The following PRCD variants were observed in gnomAD, a reference collection of about 807,000 sequenced individuals.
PRCD encodes photoreceptor disk component PRCD.
A neutral mutation model predicts 10.1 loss-of-function variants in PRCD; 12 were observed. That is an observed-to-expected ratio of 1.18 (90% CI 0.76 to 1.92). The LOEUF is 1.92. Among genes scored for constraint, PRCD ranks in the 40% most tolerant of loss-of-function variants. The pLI, the probability that PRCD is intolerant of heterozygous loss-of-function variation, is 0.00. For missense variants in PRCD, 61 were observed against 72.2 expected (o/e 0.84, Z 0.56); for synonymous variants, 31 against 26.2 (o/e 1.18, Z -0.56).
chr17:76,538,054 C>T (rs1481043870), upstream of PRCD: 1 of 152,556 alleles, frequency 6.6e-6, no homozygotes, highest in Non-Finnish European at 1.5e-5. Flanking sequence ...GCCGGGAGCG[C>T]TGGGTTCCGG....
rs554074667 is a variant in PRCD, at chr17:76,540,718, C to T, written c.143+145C>T. On this transcript the variant is annotated intron_variant, in intron 2 of 4. Coordinates refer to ENST00000592014, the MANE Select transcript of PRCD (RefSeq NM_001077620.3). This position sits in a 1 kb window ranked among gnomAD's most constrained non-coding sequence, Gnocchi z 5.0. ...TGCCCTAAGCACCCTGCTCCCTGTCCGCCTGCTGGGCAGGCTGGATGTCTG... is the reference window on the plus strand; with the variant it reads ...TGCCCTAAGCACCCTGCTCCCTGTCTGCCTGCTGGGCAGGCTGGATGTCTG... The T allele has an allele frequency of 8.7e-6, 7 of 800,168 alleles. No homozygotes were observed. Among genetic ancestry groups the T allele is most frequent in the Admixed American group, 4.2e-5 (2 of 48,102 alleles). The allele number at this position is 800,168 out of a possible 1,614,324, so 49.6% of individuals were successfully genotyped here. A position where few individuals can be genotyped will look rare whatever the true frequency, so the allele number is the denominator to read the frequency against.
At chr17:76,552,878 A>ATATATATATATATATATAT (rs2075121502) in intron 1 of PRCD, 185 of 123,918 alleles carry the variant, frequency 1.5e-3, no homozygotes, top group Non-Finnish European at 2.2e-3. Context: ...AAAAAAAAAA[A>ATATATATATATATATATAT]AAAATATATA....
chr17:76,533,253 C>T lies in PRCD; in HGVS notation n.45+5420C>T, dbSNP rs554006561. ...CACAAGCTCCCTGTTTGCAGAAGGGCAAGAGGAGGGCCCCCGCTCACTGCT... is the reference window on the plus strand; with the variant it reads ...CACAAGCTCCCTGTTTGCAGAAGGGTAAGAGGAGGGCCCCCGCTCACTGCT... On this transcript the variant is annotated intron_variant and non_coding_transcript_variant, in intron 1 of 4. Transcript: ENST00000397633. The surrounding 1 kb of genome is among the most constrained non-coding windows in gnomAD (Gnocchi z 4.5). 2.0e-5 allele frequency among the ~76,000 whole-genome samples: 3 copies of T among 152,254 alleles called. No individual in the cohort carries two copies. The East Asian group carries it at 5.8e-4, about 29-fold the overall frequency.
Position 76,531,211 on chromosome 17 carries a change from C to T in PRCD, n.45+3378C>T. 1 of 1,506,860 alleles carries T rather than the reference C, an allele frequency of 6.6e-7. No individual in the cohort carries two copies. The highest frequency in any genetic ancestry group is 9.1e-7 in the Non-Finnish European group (1 of 1,102,712). The allele number at this position is 1,506,860 out of a possible 1,614,324, so 93.3% of individuals were successfully genotyped here. A position where few individuals can be genotyped will look rare whatever the true frequency, so the allele number is the denominator to read the frequency against. ...TGCGTCCTGCAACCCCCAGGCCCCT[C>T]CGCCCCACGTGTGGCCGAGAGGATC... On this transcript the variant is annotated intron_variant and non_coding_transcript_variant, in intron 1 of 4. Transcript: ENST00000397633. The surrounding 1 kb of genome is among the most constrained non-coding windows in gnomAD (Gnocchi z 7.4).
In PRCD at chr17:76,544,195, C is replaced by G. The variant is rs759624725; in HGVS notation, c.*545C>G. 5 of 454,554 alleles carry G rather than the reference C, an allele frequency of 1.1e-5. No individual in the cohort carries two copies. Among genetic ancestry groups the G allele is most frequent in the South Asian group, 7.8e-5 (5 of 64,482 alleles). 28.2% of individuals were successfully genotyped at this position (454,554 alleles called of 1,614,324 possible). A position where few individuals can be genotyped will look rare whatever the true frequency, so the allele number is the denominator to read the frequency against. On this transcript the variant is annotated 3_prime_UTR_variant, in exon 5 of 5. Transcript: ENST00000592014. ...TCACAGCTATTAGTCTTCAAAAACC[C>G]CCCGTGCCTCTGTGCACACGCGTCT...
Position 76,540,710 on chromosome 17 carries a change from T to TTCAG in PRCD, c.143+137_143+138insTCAG, listed in dbSNP as rs2074982370. On this transcript the variant is annotated intron_variant, in intron 2 of 4. Coordinates refer to ENST00000592014, the MANE Select transcript of PRCD (RefSeq NM_001077620.3). This position sits in a 1 kb window ranked among gnomAD's most constrained non-coding sequence, Gnocchi z 5.0. ...CTGGCCCTTGCCCTAAGCACCCTGC[T>TTCAG]CCCTGTCCGCCTGCTGGGCAGGCTG... The TTCAG allele has an allele frequency of 1.2e-6, 1 of 840,668 alleles. No individual in the cohort carries two copies. The highest frequency in any genetic ancestry group is 2.7e-5 in the East Asian group (1 of 37,420). The allele number at this position is 840,668 out of a possible 1,614,324, so 52.1% of individuals were successfully genotyped here.
rs533644200 is a variant in PRCD at position 76,528,091 on chromosome 17, G to T, written n.45+258G>T. On this transcript the variant is annotated intron_variant and non_coding_transcript_variant, in intron 1 of 4. Coordinates refer to the PRCD transcript ENST00000397633. This position sits in a 1 kb window ranked among gnomAD's most constrained non-coding sequence, Gnocchi z 5.8. The stretch of plus-strand genomic sequence containing the variant: ...GGCCAAACCGAGGCTTCTGGGCGCC[G>T]CGGATACACATTCTAGATATGTATG... The T allele has an allele frequency of 1.3e-5, 5 of 377,154 alleles. No individual in the cohort carries two copies. The highest frequency in any genetic ancestry group is 2.0e-5 in the Non-Finnish European group (4 of 204,514). The allele number at this position is 377,154 out of a possible 1,614,324, so 23.4% of individuals were successfully genotyped here. A position where few individuals can be genotyped will look rare whatever the true frequency, so the allele number is the denominator to read the frequency against.
At chr17:76,529,683 CCT>C (rs1436501800) in intron 1 of PRCD, 4 of 985,368 alleles carry the variant, frequency 4.1e-6, no homozygotes, top group East Asian at 2.3e-4. Flanking sequence ...CTCCTCTTCC[CCT>C]GTCTTTTCCC....
At chr17:76,547,985 TAC>T (rs1459155130), downstream of PRCD, among the ~76,000 whole-genome samples, 2 of 148,234 alleles carry the variant, frequency 1.3e-5, no homozygotes, top group Non-Finnish European at 3.0e-5. Context: ...TACACATACA[TAC>T]ACATTCACAC....
At chr17:76,532,184 G>T in intron 1 of PRCD, 1 of 159,054 alleles carries the variant, frequency 6.3e-6, no homozygotes, top group Admixed American at 5.8e-5. Flanking sequence ...TCCTTAACCG[G>T]GCATTCCAGA....
intron 1 of PRCD, chr17:76,529,114 G>A (rs970326387): frequency 6.3e-5 from 61 of 970,410 alleles, no homozygotes; most frequent in East Asian, 3.7e-4. Flanking sequence ...AAACAGTGGC[G>A]CCTGGCCCAC....
chr17:76,547,643 TCA>T (rs56118010), downstream of PRCD, among the ~76,000 whole-genome samples: 93,881 of 149,810 alleles, frequency 0.63, 32,651 homozygotes, highest in East Asian at 0.87. Context: ...ACACACACAT[TCA>T]CACACACACA....
rs2143087064 is a variant in PRCD at position 76,531,792 on chromosome 17, TC to T, written n.45+3963del. The T allele has an allele frequency of 4.3e-6, 4 of 932,530 alleles. No individual in the cohort carries two copies. The highest frequency in any genetic ancestry group is 1.6e-5 in the South Asian group (1 of 60,818). 57.8% of individuals were successfully genotyped at this position (932,530 alleles called of 1,614,324 possible). On this transcript the variant is annotated intron_variant and non_coding_transcript_variant, in intron 1 of 4. Transcript: ENST00000397633. The surrounding 1 kb of genome is among the most constrained non-coding windows in gnomAD (Gnocchi z 7.4). Reference sequence around the variant, plus strand: ...GGGCTGAAGAAGTGGACCGCAGTGCTCCCCACCCCCGCACCGTCACTGTTTT... The same window carrying T: ...GGGCTGAAGAAGTGGACCGCAGTGCTCCCACCCCCGCACCGTCACTGTTTT...
chr17:76,548,552 C>G (rs2075078798), downstream of PRCD, among the ~76,000 whole-genome samples: 1 of 152,206 alleles, frequency 6.6e-6, no homozygotes, highest in Admixed American at 6.5e-5. Flanking sequence ...TCCCTGTGAC[C>G]TTTAGTTCTC....
chr17:76,539,361 G>T (rs973111440), upstream of PRCD, among the ~76,000 whole-genome samples: 1 of 152,224 alleles, frequency 6.6e-6, no homozygotes, highest in African/African-American at 2.4e-5. Context: ...GTGTAGGAAT[G>T]AATCTGTACA....
At chr17:76,547,084 C>G (rs1231684564), downstream of PRCD, 2 of 152,262 alleles carry the variant, frequency 1.3e-5, no homozygotes, top group African/African-American at 4.8e-5. Flanking sequence ...TGGCCAGGGT[C>G]ATTGCCACCA....
downstream of PRCD, among the ~76,000 whole-genome samples, chr17:76,548,460 G>C (rs972386125): frequency 3.3e-5 from 5 of 152,226 alleles, no homozygotes; most frequent in Non-Finnish European, 7.3e-5. Flanking sequence ...CACTCGAGGA[G>C]AGACAGACCC....
intron 1 of PRCD, chr17:76,529,240 G>A (rs2074804590): frequency 1.0e-6 from 1 of 985,456 alleles, no homozygotes; most frequent in African/African-American, 1.7e-5. Flanking sequence ...TGCAGGCTCA[G>A]GCCAGGGACA....
chr17:76,543,706 C>T, intron 4 of PRCD, 97 bp from the exon 5 acceptor site: 3 of 463,942 alleles, frequency 6.5e-6, no homozygotes, highest in South Asian at 4.7e-5. Context: ...GCCTGTCAGC[C>T]CAGGAGCTAT....
Sources: allele counts gnomAD v4.1 joint callset (sites outside exome capture counted in the v4.1 genomes callset), GRCh38; gene constraint gnomAD v4.1.1; non-coding constraint Gnocchi (gnomAD v3.1); transcripts MANE v1.5; gene names NCBI Gene and HGNC (gene_info 2026-07-23, HGNC 2026-07-21).